CTNND2: variants seen among roughly 807,000 people sequenced by gnomAD.
The protein encoded by CTNND2 is catenin delta 2, also known as catenin delta-2.
Under a neutral mutation model 144.4 loss-of-function variants are expected in CTNND2, and 22 were observed. The observed-to-expected ratio is 0.15, with a 90% CI of 0.11 to 0.22. The LOEUF (loss-of-function observed/expected upper bound fraction) is 0.22. CTNND2 is among the 10% of genes least tolerant of loss of function. The pLI is 1.00. For synonymous variants in CTNND2, 751 were observed against 695.6 expected (o/e 1.08, Z -1.25); for missense variants, 1,353 against 1,618.8 (o/e 0.84, Z 2.82).
At chr5:11,791,977 A>G (rs766036989) in intron 1 of CTNND2, among the ~76,000 whole-genome samples, 6 of 152,182 alleles carry the variant, frequency 3.9e-5, no homozygotes, top group Non-Finnish European at 7.3e-5. Context: ...CCATGCCAAG[A>G]AAGTGGGTGA....
intron 10 of CTNND2, 114 bp from the exon 11 acceptor site, chr5:11,199,775 T>A: frequency 4.1e-6 from 3 of 737,408 alleles, no homozygotes; most frequent in East Asian, 2.6e-5. Flanking sequence ...CAAACTGAAT[T>A]AAGGCATACA....
intron 11 of CTNND2, among the ~76,000 whole-genome samples, chr5:11,187,785 G>A (rs1206966573): frequency 6.6e-6 from 1 of 152,050 alleles, no homozygotes; most frequent in Non-Finnish European, 1.5e-5. Flanking sequence ...ATTAAAAAGT[G>A]GGCAAAGTAC....
intron 1 of CTNND2, among the ~76,000 whole-genome samples, chr5:11,857,059 A>C (rs1280958137): frequency 6.6e-6 from 1 of 152,224 alleles, no homozygotes; most frequent in African/African-American, 2.4e-5. Flanking sequence ...TTCACATTAA[A>C]TATTTGAACT....
chr5:11,057,645 G>A (rs181480185), intron 16 of CTNND2, among the ~76,000 whole-genome samples: 1 of 152,338 alleles, frequency 6.6e-6, no homozygotes, highest in East Asian at 1.9e-4. Flanking sequence ...TACCAGTAGA[G>A]TGGGGTGCTA....
intron 5 of CTNND2, among the ~76,000 whole-genome samples, chr5:11,409,413 T>C (rs1205155835): frequency 6.6e-6 from 1 of 152,116 alleles, no homozygotes; most frequent in Non-Finnish European, 1.5e-5. Context: ...TAAAAGTTAT[T>C]TAATACATGG....
At chr5:11,625,535 C>G (rs951256284) in intron 2 of CTNND2, among the ~76,000 whole-genome samples, 1 of 151,910 alleles carries the variant, frequency 6.6e-6, no homozygotes. Context: ...AATAAGGGAA[C>G]AAAATCTTTG....
At chr5:11,664,022 C>A (rs1783420316) in intron 2 of CTNND2, among the ~76,000 whole-genome samples, 1 of 152,026 alleles carries the variant, frequency 6.6e-6, no homozygotes, top group Admixed American at 6.6e-5. Flanking sequence ...CCATTAGTTG[C>A]CAACATATTT....
At chr5:11,792,829 G>C in intron 1 of CTNND2, among the ~76,000 whole-genome samples, 1 of 152,160 alleles carries the variant, frequency 6.6e-6, no homozygotes, top group Non-Finnish European at 1.5e-5. Context: ...CCCTACGGAA[G>C]GCTTCCTTGC....
chr5:11,063,160 C>T (rs887466450), intron 16 of CTNND2, among the ~76,000 whole-genome samples: 2 of 151,926 alleles, frequency 1.3e-5, no homozygotes, highest in African/African-American at 2.4e-5. Context: ...ACCATCTATT[C>T]TCTTTACCTT....
intron 3 of CTNND2, among the ~76,000 whole-genome samples, chr5:11,414,086 A>G (rs1164339640): frequency 6.6e-6 from 1 of 152,152 alleles, no homozygotes; most frequent in Non-Finnish European, 1.5e-5. Flanking sequence ...GAGATAGAAG[A>G]GAGACAAAAA....
chr5:11,842,508 AGG>A, intron 1 of CTNND2, among the ~76,000 whole-genome samples: 1 of 152,114 alleles, frequency 6.6e-6, no homozygotes. Flanking sequence ...TCGTGAGGTC[AGG>A]AGATCGAGAC....
intron 3 of CTNND2, among the ~76,000 whole-genome samples, chr5:11,515,124 A>AAC (rs1772042412): frequency 1.3e-5 from 2 of 151,944 alleles, no homozygotes; most frequent in African/African-American, 4.8e-5. Flanking sequence ...AAAAAAAAAA[A>AAC]AACGCATTTC....
chr5:11,893,819 AACC>A (rs1737181579), intron 1 of CTNND2, among the ~76,000 whole-genome samples: 1 of 152,194 alleles, frequency 6.6e-6, no homozygotes, highest in African/African-American at 2.4e-5. Flanking sequence ...TTTATCACAC[AACC>A]CATGCTAAAC....
At chr5:11,814,851 A>C (rs186838965) in intron 1 of CTNND2, among the ~76,000 whole-genome samples, 3 of 152,358 alleles carry the variant, frequency 2.0e-5, no homozygotes, top group Non-Finnish European at 4.4e-5. Context: ...TGTTGTATGT[A>C]AGATTTCTAA....
chr5:11,226,031 C>A (rs1740302610), intron 10 of CTNND2, among the ~76,000 whole-genome samples: 1 of 152,156 alleles, frequency 6.6e-6, no homozygotes, highest in African/African-American at 2.4e-5. Context: ...CCAGCAGAAG[C>A]CAGGCAGAGG....
chr5:11,775,180 A>G (rs988910361), intron 1 of CTNND2, among the ~76,000 whole-genome samples: 2 of 152,348 alleles, frequency 1.3e-5, no homozygotes, highest in South Asian at 2.1e-4. Flanking sequence ...TTACATAAAG[A>G]TGATAGAATT....
intron 2 of CTNND2, among the ~76,000 whole-genome samples, chr5:11,725,694 A>C (rs1786978343): frequency 6.6e-6 from 1 of 152,222 alleles, no homozygotes; most frequent in African/African-American, 2.4e-5. Flanking sequence ...TAGAGGAAAA[A>C]TATATGATTT....
chr5:11,203,998 G>C (rs1325050435), intron 10 of CTNND2, among the ~76,000 whole-genome samples: 2 of 152,174 alleles, frequency 1.3e-5, no homozygotes, highest in African/African-American at 2.4e-5. Context: ...GTTTAAGTGA[G>C]TAAAGTGGTT....
chr5:11,069,766 T>C (rs577913077), intron 16 of CTNND2, among the ~76,000 whole-genome samples: 17 of 152,192 alleles, frequency 1.1e-4, no homozygotes, highest in African/African-American at 3.9e-4. Context: ...AACTGGGCAA[T>C]AGTATACGGA....
Sources: allele counts gnomAD v4.1 joint callset (sites outside exome capture counted in the v4.1 genomes callset), GRCh38; gene constraint gnomAD v4.1.1; transcripts MANE v1.5; gene names NCBI Gene and HGNC (gene_info 2026-07-23, HGNC 2026-07-21).